Variants in MGLL observed in about 807,000 individuals in gnomAD.
MGLL encodes the protein lysophospholipase homolog.
A neutral mutation model predicts 29.1 loss-of-function variants in MGLL; 7 were observed. That is an observed-to-expected ratio of 0.24 (90% CI 0.14 to 0.45). MGLL has a LOEUF of 0.45. Ranked by LOEUF, MGLL falls within the 20% of genes least tolerant of loss-of-function variation. MGLL has a pLI of 0.99. For synonymous variants in MGLL, 148 were observed against 168.3 expected (o/e 0.88, Z 0.93); for missense variants, 356 against 413.6 (o/e 0.86, Z 1.21).
chr3:127,692,991 T>C (rs1008082479), intron 7 of MGLL, among the ~76,000 whole-genome samples: 1 of 152,122 alleles, frequency 6.6e-6, no homozygotes, highest in Non-Finnish European at 1.5e-5. Context: ...GGTTTTAAAA[T>C]CCATCCTGGG....
intron 3 of MGLL, among the ~76,000 whole-genome samples, chr3:127,726,203 A>ACAG (rs1377011886): frequency 8.0e-6 from 1 of 125,304 alleles, no homozygotes; most frequent in Admixed American, 7.7e-5. Flanking sequence ...AGAAAGAAAG[A>ACAG]AAGACAGAAG....
intron 3 of MGLL, among the ~76,000 whole-genome samples, chr3:127,779,766 C>T (rs531461552): frequency 6.6e-6 from 1 of 152,314 alleles, no homozygotes; most frequent in South Asian, 2.1e-4. Context: ...GACCTGGGTT[C>T]AAATCCTTCC....
At chr3:127,756,878 C>A (rs1233520757) in intron 3 of MGLL, among the ~76,000 whole-genome samples, 1 of 152,150 alleles carries the variant, frequency 6.6e-6, no homozygotes, top group Non-Finnish European at 1.5e-5. Context: ...ATGACGCAGA[C>A]CTAGGTCAGT....
At chr3:127,797,695 A>T (rs1179964634) in intron 2 of MGLL, among the ~76,000 whole-genome samples, 1 of 151,986 alleles carries the variant, frequency 6.6e-6, no homozygotes, top group Non-Finnish European at 1.5e-5. Flanking sequence ...GCAGCCTCAA[A>T]CTCCCGGGCT....
intron 3 of MGLL, chr3:127,736,013 A>T: frequency 7.1e-7 from 1 of 1,416,762 alleles, no homozygotes; most frequent in Non-Finnish European, 9.2e-7. Flanking sequence ...CAGGTTTAAC[A>T]TGGAACAGAC....
intron 3 of MGLL, among the ~76,000 whole-genome samples, chr3:127,766,026 T>TA (rs943784530): frequency 6.6e-6 from 1 of 152,098 alleles, no homozygotes; most frequent in African/African-American, 2.4e-5. Context: ...TACTATGACT[T>TA]AGAGTTACAG....
intron 2 of MGLL, among the ~76,000 whole-genome samples, chr3:127,801,225 C>T (rs903814518): frequency 6.0e-5 from 9 of 151,078 alleles, no homozygotes; most frequent in Admixed American, 3.3e-4. Flanking sequence ...TCGCTTGAAC[C>T]CAGGAAGTGG....
intron 2 of MGLL, among the ~76,000 whole-genome samples, chr3:127,791,539 T>C (rs550055400): frequency 4.5e-4 from 69 of 152,368 alleles, no homozygotes; most frequent in African/African-American, 1.6e-3. Context: ...GGAATGCTTA[T>C]TGAGCTAAGT....
chr3:127,800,598 G>T lies in MGLL; in HGVS notation c.156-18703C>A, dbSNP rs138493764. Among the ~76,000 whole-genome samples the T allele has an allele frequency of 2.2e-3, 340 of 152,314 alleles. 6 individuals carry two copies. The highest frequency in any genetic ancestry group is 7.8e-3 in the African/African-American group (325 of 41,564). On this transcript the variant is annotated intron_variant, in intron 2 of 7. Coordinates refer to ENST00000265052, the MANE Select transcript of MGLL (RefSeq NM_007283.7). ...TTATCAAAATGTTTTCCTGCCTGTG[G>T]AGCCCCAGCCAGGCTACCCGTGCAT...
chr3:127,813,497 G>C (rs558287293), intron 2 of MGLL, among the ~76,000 whole-genome samples: 1 of 152,328 alleles, frequency 6.6e-6, no homozygotes, highest in Admixed American at 6.5e-5. Context: ...TCCAAGCCCT[G>C]CTCCAAACCG....
intron 3 of MGLL, among the ~76,000 whole-genome samples, chr3:127,726,314 A>C (rs889309818): frequency 2.0e-5 from 3 of 149,784 alleles, no homozygotes; most frequent in African/African-American, 5.0e-5. Flanking sequence ...GAGGGAGAGA[A>C]AGAAAGAGAA....
At chr3:127,814,996 C>T (rs2077729662) in intron 2 of MGLL, among the ~76,000 whole-genome samples, 1 of 152,168 alleles carries the variant, frequency 6.6e-6, no homozygotes, top group Admixed American at 6.5e-5. Flanking sequence ...TGGTAGGGCC[C>T]ATTTTCTCAG....
At chr3:127,756,920 C>A (rs186469022) in intron 3 of MGLL, among the ~76,000 whole-genome samples, 10 of 152,298 alleles carry the variant, frequency 6.6e-5, no homozygotes, top group Middle Eastern at 3.4e-3. Flanking sequence ...CCTAGGAAGA[C>A]CTCCTCCATC....
intron 2 of MGLL, among the ~76,000 whole-genome samples, chr3:127,809,122 T>A (rs1328273254): frequency 2.0e-5 from 3 of 151,818 alleles, no homozygotes; most frequent in African/African-American, 7.2e-5. Flanking sequence ...CTGCAAGCAC[T>A]ATGCCCACAA....
chr3:127,703,859 G>A (rs1359875887), intron 6 of MGLL, among the ~76,000 whole-genome samples: 2 of 152,170 alleles, frequency 1.3e-5, no homozygotes, highest in African/African-American at 4.8e-5. Flanking sequence ...CAGAACTCCT[G>A]CAACTTAACA....
chr3:127,722,346 G>A (rs1169336209), intron 4 of MGLL, 84 bp downstream of exon 4: 2 of 1,569,628 alleles, frequency 1.3e-6, no homozygotes, highest in African/African-American at 1.4e-5. Flanking sequence ...AGCAGTGGGG[G>A]GCAGGAAGTC....
chr3:127,696,285 C>G (rs2075360289), intron 6 of MGLL, among the ~76,000 whole-genome samples: 1 of 150,638 alleles, frequency 6.6e-6, no homozygotes, highest in East Asian at 2.0e-4. Flanking sequence ...TCCATAAAGA[C>G]AGCTCAGGCT....
intron 6 of MGLL, among the ~76,000 whole-genome samples, chr3:127,695,860 T>G (rs898575032): frequency 1.3e-5 from 2 of 152,274 alleles, no homozygotes; most frequent in Admixed American, 1.3e-4. Flanking sequence ...GCAGCAGTTT[T>G]AGCACTTGAT....
chr3:127,781,240 G>A (rs941776168), intron 3 of MGLL, among the ~76,000 whole-genome samples: 2 of 152,174 alleles, frequency 1.3e-5, no homozygotes, highest in East Asian at 1.9e-4. Flanking sequence ...GTATGTGTGT[G>A]CATGTGTATG....
Sources: allele counts gnomAD v4.1 joint callset (sites outside exome capture counted in the v4.1 genomes callset), GRCh38; gene constraint gnomAD v4.1.1; transcripts MANE v1.5; gene names NCBI Gene and HGNC (gene_info 2026-07-23, HGNC 2026-07-21).